The following NLRP8 variants were observed in gnomAD, a reference collection of about 807,000 sequenced individuals.
NLRP8 encodes NLR family pyrin domain containing 8.
In NLRP8, 86 loss-of-function variants were observed where a neutral mutation model predicts 88.7. That is an observed-to-expected ratio of 0.97 (90% CI 0.81 to 1.16). NLRP8 has a LOEUF of 1.16. Among genes scored for constraint, NLRP8 ranks in the 50% most tolerant of loss-of-function variants. The probability of loss-of-function intolerance (pLI) is 0.00; values close to 1 mark genes in which losing one functional copy is unlikely to be tolerated. For missense variants in NLRP8, 1,342 were observed against 1,286.5 expected (o/e 1.04, Z -0.66); for synonymous variants, 504 against 494.6 (o/e 1.02, Z -0.25).
In NLRP8 at chr19:55,976,082, GTT is replaced by G. The variant is rs777110588; in HGVS notation, c.2706-48_2706-47del. 962 of 1,408,876 alleles carry G rather than the reference GTT, an allele frequency of 6.8e-4. 3 individuals are homozygous for G. The highest frequency in any genetic ancestry group is 1.6e-3 in the East Asian group (63 of 38,942). The allele number at this position is 1,408,876 out of a possible 1,614,324, so 87.3% of individuals were successfully genotyped here. ...TGTTTTCGTTGTTGTTGTTGTTGTT[GTT>G]TTGTTGTAGTTGTTGTTGTTGTTGT... On this transcript the variant is annotated intron_variant, in intron 7 of 9. Transcript: ENST00000291971.
chr19:55,963,636 ACCT>A (rs1243655600), intron 4 of NLRP8, among the ~76,000 whole-genome samples: 2 of 150,948 alleles, frequency 1.3e-5, no homozygotes, highest in Non-Finnish European at 3.0e-5. Flanking sequence ...TGCAACCTTG[ACCT>A]CCTGAGCTCA....
chr19:55,976,055 G>A (rs1298870676), intron 7 of NLRP8, 78 bp from the exon 8 acceptor site: 2 of 1,307,182 alleles, frequency 1.5e-6, no homozygotes, highest in South Asian at 1.7e-5. Context: ...AAAACCTAAG[G>A]GTGTTTTCGT....
intron 7 of NLRP8, 38 bp from the exon 8 acceptor site, chr19:55,976,095 T>A (rs1019867887): frequency 1.3e-5 from 18 of 1,405,344 alleles, no homozygotes; most frequent in African/African-American, 1.7e-5. Context: ...TTGTTGTAGT[T>A]GTTGTTGTTG....
intron 9 of NLRP8, among the ~76,000 whole-genome samples, chr19:55,982,291 G>C (rs1980607150): frequency 6.6e-6 from 1 of 152,132 alleles, no homozygotes; most frequent in African/African-American, 2.4e-5. Context: ...CCCACTGCTA[G>C]GTATATACCC....
chr19:55,957,857 C>T (rs1290141799), intron 3 of NLRP8, among the ~76,000 whole-genome samples: 2 of 151,750 alleles, frequency 1.3e-5, no homozygotes, highest in East Asian at 3.8e-4. Flanking sequence ...AAAACTCTTC[C>T]AGAAGATCTT....
chr19:55,962,596 A>G (rs1487901028), intron 4 of NLRP8, among the ~76,000 whole-genome samples: 1 of 152,252 alleles, frequency 6.6e-6, no homozygotes, highest in South Asian at 2.1e-4. Flanking sequence ...GCGCCCATCC[A>G]TAAAATGTTC....
intron 9 of NLRP8, chr19:55,987,747 A>G (rs948547017): frequency 1.7e-6 from 2 of 1,172,004 alleles, no homozygotes; most frequent in African/African-American, 1.5e-5. Flanking sequence ...ACAAAATGCA[A>G]GCTTAGGGAA....
intron 3 of NLRP8, among the ~76,000 whole-genome samples, chr19:55,960,358 T>G (rs957434178): frequency 1.3e-5 from 2 of 152,174 alleles, no homozygotes; most frequent in African/African-American, 4.8e-5. Context: ...TCCCAACTTA[T>G]GTGGGCAATT....
chr19:55,964,749 C>T (rs1324871651), intron 4 of NLRP8, among the ~76,000 whole-genome samples: 3 of 144,212 alleles, frequency 2.1e-5, no homozygotes, highest in Non-Finnish European at 4.5e-5. Flanking sequence ...AAGACTCTGT[C>T]TCAAAAAAAA....
chr19:55,952,510 T>G, intron 1 of NLRP8, 28 bp from the exon 2 acceptor site: 1 of 1,594,112 alleles, frequency 6.3e-7, no homozygotes, highest in East Asian at 2.2e-5. Flanking sequence ...ATCATTCCCG[T>G]GGAACAGCCT....
rs1979833559 is a variant in NLRP8 at position 55,966,250 on chromosome 19, T to C, written c.2251T>C (p.Leu751=). 6.2e-7 allele frequency: 1 copy of C among 1,613,966 alleles called. No homozygotes were observed. Among genetic ancestry groups the C allele is most frequent in the Admixed American group, 1.7e-5 (1 of 59,986 alleles). ...GAATAGCACCATGTTGAACCAGGAC[T>C]TAATCGGTGTTTTGACGGGGAACCA... is the stretch of plus-strand genomic sequence containing the variant. The change falls in exon 5 of 10, where the codon TTA becomes CTA. Residue 751 remains leucine (L), a synonymous_variant. Coordinates refer to ENST00000291971, the MANE Select transcript of NLRP8 (RefSeq NM_176811.2).
intron 3 of NLRP8, among the ~76,000 whole-genome samples, chr19:55,961,111 G>A (rs550270624): frequency 8.4e-4 from 127 of 152,010 alleles, no homozygotes; most frequent in African/African-American, 2.8e-3. Flanking sequence ...CACTATGTTG[G>A]CCAGGCTGGT....
rs1220040611 is a variant in NLRP8, at chr19:55,955,506, G to C, written c.1448G>C (p.Gly483Ala). 1 of 1,614,072 alleles carries C rather than the reference G, an allele frequency of 6.2e-7. No individual in the cohort carries two copies. Among genetic ancestry groups the C allele is most frequent in the Non-Finnish European group, 8.5e-7 (1 of 1,180,044 alleles). ...GAGGAAGCCAAGCTGGATCAGACGG[G>C]AGTCACCGCCTTCCTTGGCATGAGT... Residue 483 changes from glycine (G) to alanine (A), a missense_variant, in exon 3 of 10, where the codon GGA becomes GCA. Transcript: ENST00000291971.
At chr19:55,961,479 G>T (rs865945588) in intron 3 of NLRP8, among the ~76,000 whole-genome samples, 1 of 151,884 alleles carries the variant, frequency 6.6e-6, no homozygotes, top group Non-Finnish European at 1.5e-5. Context: ...TTCAATCTCT[G>T]CCCCCCACAT....
In NLRP8 at chr19:55,955,335, T is replaced by C. The variant is rs903667334; in HGVS notation, c.1277T>C (p.Val426Ala). ...CAGTCATGTCCAAATGCCACCTCTG[T>C]GTTCGTCCGGTATATTTCTAGCTTG... The change falls in exon 3 of 10, where the codon GTG becomes GCG. Residue 426 changes from valine to alanine, a missense_variant. By Grantham distance (64) the Val-to-Ala change is moderately conservative (BLOSUM62 0). Coordinates refer to ENST00000291971, the MANE Select transcript of NLRP8 (RefSeq NM_176811.2). 1.2e-6 allele frequency: 2 copies of C among 1,614,168 alleles called. No individual in the cohort carries two copies. Among genetic ancestry groups the C allele is most frequent in the Non-Finnish European group, 1.7e-6 (2 of 1,180,028 alleles).
intron 1 of NLRP8, among the ~76,000 whole-genome samples, chr19:55,949,826 C>T (rs1465228211): frequency 2.0e-5 from 3 of 152,116 alleles, no homozygotes; most frequent in African/African-American, 7.2e-5. Context: ...CCACTGGCAC[C>T]CCAACAGCTG....
At chr19:55,954,261 C>T (rs576014024) in intron 2 of NLRP8, among the ~76,000 whole-genome samples, 2 of 152,236 alleles carry the variant, frequency 1.3e-5, no homozygotes, top group South Asian at 2.1e-4. Context: ...AACAGCTTTA[C>T]GCCCGCCATA....
rs76342186 is a variant in NLRP8 at position 55,975,458 on chromosome 19, C to G, written c.2706-675C>G. Among the ~76,000 whole-genome samples the G allele has an allele frequency of 9.6e-3, 1,463 of 152,266 alleles. 45 individuals carry two copies. The highest frequency in any genetic ancestry group is 0.054 in the East Asian group (280 of 5,180). ...CCACAAAAGAAATAAAAACCCACCT[C>G]CACATGAAAACCTGCACACAGTTCA... On this transcript the variant is annotated intron_variant, in intron 7 of 9. Coordinates refer to ENST00000291971, the MANE Select transcript of NLRP8 (RefSeq NM_176811.2).
At position 55,971,162 on chromosome 19, in the gene NLRP8, G is replaced by A. The variant is rs546110837; in HGVS notation, c.2534+466G>A. On this transcript the variant is annotated intron_variant, in intron 6 of 9. Coordinates refer to ENST00000291971, the MANE Select transcript of NLRP8 (RefSeq NM_176811.2). ...GCTTTGAATTTTACATAAAAGGGCC[G>A]GGCACGGTGGCTCATGCCTGTAATC... 4.6e-5 allele frequency among the ~76,000 whole-genome samples: 7 copies of A among 152,086 alleles called. No homozygotes were observed. The South Asian group carries it at 6.2e-4, about 14-fold the overall frequency.
Sources: allele counts gnomAD v4.1 joint callset (sites outside exome capture counted in the v4.1 genomes callset), GRCh38; gene constraint gnomAD v4.1.1; transcripts MANE v1.5; gene names NCBI Gene and HGNC (gene_info 2026-07-23, HGNC 2026-07-21).